The following SLC22A24 variants were observed in gnomAD, a reference collection of about 807,000 sequenced individuals.
The protein encoded by SLC22A24 is steroid transmembrane transporter SLC22A24.
Under a neutral mutation model 49.8 loss-of-function variants are expected in SLC22A24, and 53 were observed. The observed-to-expected ratio is 1.06, with a 90% CI of 0.85 to 1.34. SLC22A24 has a LOEUF of 1.34. SLC22A24 is among the 40% of genes most tolerant of loss of function. The pLI is 0.00. For synonymous variants in SLC22A24, 302 were observed against 256.4 expected, an observed-to-expected ratio of 1.18 and a Z score of -1.70; for missense variants, 786 against 675.9, an observed-to-expected ratio of 1.16 and a Z score of -1.81.
At chr11:63,135,590 C>A (rs556814217) in intron 1 of SLC22A24, among the ~76,000 whole-genome samples, 1 of 152,306 alleles carries the variant, frequency 6.6e-6, no homozygotes, top group East Asian at 1.9e-4. Flanking sequence ...GGAATACATT[C>A]TTAAATAATG....
chr11:63,112,422 G>A (rs1044010284), intron 4 of SLC22A24, among the ~76,000 whole-genome samples: 5 of 152,054 alleles, frequency 3.3e-5, no homozygotes, highest in African/African-American at 9.7e-5. Flanking sequence ...TTTCTGTCTC[G>A]TTGATCTGTC....
intron 6 of SLC22A24, among the ~76,000 whole-genome samples, chr11:63,093,420 T>C (rs960071127): frequency 3.3e-5 from 5 of 152,070 alleles, no homozygotes; most frequent in Non-Finnish European, 5.9e-5. Context: ...CTATTTATAA[T>C]AGTAAAGTCT....
intron 4 of SLC22A24, among the ~76,000 whole-genome samples, chr11:63,111,572 T>A (rs1402348827): frequency 2.0e-5 from 3 of 152,092 alleles, no homozygotes; most frequent in Admixed American, 6.6e-5. Flanking sequence ...CCTGGTTTAG[T>A]CTTGGGAGAG....
At chr11:63,087,109 A>C (rs555646680) in intron 6 of SLC22A24, among the ~76,000 whole-genome samples, 1 of 151,356 alleles carries the variant, frequency 6.6e-6, no homozygotes, top group African/African-American at 2.4e-5. Flanking sequence ...GAAGCAAAGA[A>C]ATAATAAAAA....
rs754877542 is a variant in SLC22A24 at position 63,081,088 on chromosome 11, C to T, written c.1430G>A (p.Arg477Lys). The change falls in exon 9 of 10, where the codon AGG becomes AAG. Residue 477 changes from arginine to lysine, a missense_variant. Transcript: ENST00000612278. The part of the protein sequence containing the change: ...TVAGINAVSG[R>K]TGAALAPLLM... ...CAGAGGAGCCAGTGCTGCCCCAGTCCTACCGGACACTGCATTGATTCCTGC... is the reference window on the plus strand; with the variant it reads ...CAGAGGAGCCAGTGCTGCCCCAGTCTTACCGGACACTGCATTGATTCCTGC... 5.8e-6 allele frequency: 9 copies of T among 1,551,502 alleles called. No individual in the cohort carries two copies. The highest frequency in any genetic ancestry group is 6.1e-6 in the Non-Finnish European group (7 of 1,146,926).
At position 63,101,360 on chromosome 11, in the gene SLC22A24, CA is replaced by C. The variant is rs1297435948; in HGVS notation, c.954+2814del. ...TGTTTATTAAATTAATGCTACTCTT[CA>C]AAAGTTGCATATAATATTACACTAG... On this transcript the variant is annotated intron_variant, in intron 5 of 9. Coordinates refer to ENST00000612278, the MANE Select transcript of SLC22A24 (RefSeq NM_001136506.2). 2.0e-5 allele frequency among the ~76,000 whole-genome samples: 3 copies of C among 151,396 alleles called. No homozygotes were observed. In the East Asian group the frequency reaches 5.8e-4, roughly 29 times the overall value.
At chr11:63,081,807 A>G (rs2086961871) in intron 7 of SLC22A24, 141 bp from the exon 8 acceptor site, 3 of 654,484 alleles carry the variant, frequency 4.6e-6, no homozygotes, top group Admixed American at 2.3e-5. Context: ...AGATTGGGGA[A>G]TGGTTGCGAG....
chr11:63,127,886 C>A (rs1590747622), intron 2 of SLC22A24, among the ~76,000 whole-genome samples: 1 of 151,748 alleles, frequency 6.6e-6, no homozygotes, highest in South Asian at 2.1e-4. Context: ...GATGGATAGA[C>A]TACAAAAATT....
At chr11:63,134,128 T>G (rs1485199575) in intron 2 of SLC22A24, among the ~76,000 whole-genome samples, 2 of 152,178 alleles carry the variant, frequency 1.3e-5, no homozygotes, top group Non-Finnish European at 2.9e-5. Flanking sequence ...AGTGCCACAG[T>G]GCTGCACAAC....
At chr11:63,134,896 G>A (rs2087362861) in intron 1 of SLC22A24, 128 bp from the exon 2 acceptor site, 1 of 578,394 alleles carries the variant, frequency 1.7e-6, no homozygotes, top group Non-Finnish European at 3.1e-6. Flanking sequence ...TCCCTCTCCA[G>A]CTTCATCTGC....
rs537193521 is a variant in SLC22A24 at position 63,143,986 on chromosome 11, C to G, written c.-207G>C. ...TTTCCCCAAGTCCTTTAACTTTAGG[C>G]AGCCAAATAGTTTCAGAAGTCACAG... On this transcript the variant is annotated 5_prime_UTR_variant, in exon 1 of 10. Coordinates refer to ENST00000612278, the MANE Select transcript of SLC22A24 (RefSeq NM_001136506.2). The G allele has an allele frequency of 2.6e-6, 1 of 390,988 alleles. No homozygotes were observed. The highest frequency in any genetic ancestry group is 1.4e-4 in the South Asian group (1 of 6,992). 24.2% of individuals were successfully genotyped at this position (390,988 alleles called of 1,614,324 possible).
rs1416489862 is a variant in SLC22A24, at chr11:63,143,518, A to G, written c.262T>C (p.Cys88Arg). The G allele has an allele frequency of 1.9e-6, 3 of 1,598,464 alleles. No individual in the cohort carries two copies. The highest frequency in any genetic ancestry group is 3.4e-5 in the Admixed American group (2 of 57,988). ...PLDSNLRPQK[C>R]QRFIHPQWQL... ...CACTGGGGATGGATAAAGCGCTGAC[A>G]CTTCTGTGGCCTCAGGTTTGAGTCC... The change falls in exon 1 of 10, where the codon TGT (cysteine) becomes CGT (arginine). Residue 88 changes from cysteine (C) to arginine (R), a missense_variant. By Grantham distance (180) the Cys-to-Arg change is radical. Transcript: ENST00000612278.
chr11:63,125,131 AC>A (rs1368573344), intron 2 of SLC22A24, among the ~76,000 whole-genome samples: 4 of 151,762 alleles, frequency 2.6e-5, no homozygotes, highest in East Asian at 1.9e-4. Context: ...AAACAAAAAA[AC>A]ATTTCATTGA....
rs376936925 is a variant in SLC22A24, at chr11:63,087,024, G to GCGCGCGCACA, written c.1071-3568_1071-3567insTGTGCGCGCG. ...AATTAAGCTTTTCTGCCTGGAGGGC[G>GCGCGCGCACA]CACACACACACACACACACACACAC... is the stretch of plus-strand genomic sequence containing the variant. On this transcript the variant is annotated intron_variant, in intron 6 of 9. Transcript: ENST00000612278. Among the ~76,000 whole-genome samples the GCGCGCGCACA allele has an allele frequency of 8.7e-3, 1,151 of 132,612 alleles. 11 individuals are homozygous for GCGCGCGCACA. Among genetic ancestry groups the GCGCGCGCACA allele is most frequent in the East Asian group, 0.015 (67 of 4,446 alleles). 87.0% of individuals were successfully genotyped at this position (132,612 alleles called of 152,430 possible). A position where few individuals can be genotyped will look rare whatever the true frequency, so the allele number is the denominator to read the frequency against.
chr11:63,120,416 C>T (rs1271362585), intron 2 of SLC22A24, among the ~76,000 whole-genome samples: 1 of 150,850 alleles, frequency 6.6e-6, no homozygotes, highest in East Asian at 2.0e-4. Flanking sequence ...AACTAACCTG[C>T]ACAATGTGCA....
intron 4 of SLC22A24, among the ~76,000 whole-genome samples, chr11:63,112,108 C>A (rs1235830248): frequency 6.6e-6 from 1 of 152,006 alleles, no homozygotes; most frequent in Admixed American, 6.6e-5. Context: ...TCGTTATGTA[C>A]CCAGTAGTCA....
intron 5 of SLC22A24, among the ~76,000 whole-genome samples, chr11:63,097,887 G>T (rs1186050195): frequency 6.6e-6 from 1 of 152,066 alleles, no homozygotes; most frequent in Non-Finnish European, 1.5e-5. Context: ...CATGGACACA[G>T]GGAGGGGAGC....
rs1446345594 is a variant in SLC22A24 at position 63,112,501 on chromosome 11, CTTCT to C, written c.830+6407_830+6410del. On this transcript the variant is annotated intron_variant, in intron 4 of 9. Transcript: ENST00000612278. ...TGGGAGTCTAAGTCTCTTTGTAGGT[CTTCT>C]TTCTTCTTTATTAGTCTTGCTAGCA... Among the ~76,000 whole-genome samples, 11 of 152,086 alleles carry C rather than the reference CTTCT, an allele frequency of 7.2e-5. No individual in the cohort carries two copies. In the South Asian group the frequency reaches 1.5e-3, roughly 20 times the overall value.
intron 2 of SLC22A24, among the ~76,000 whole-genome samples, chr11:63,133,021 T>G (rs56871967): frequency 0.024 from 3,597 of 152,192 alleles, 122 homozygotes; most frequent in African/African-American, 0.08. Flanking sequence ...TCAGCAATGG[T>G]GGATGCCCCT....
Sources: gnomAD v4.1 joint callset for allele counts (sites outside exome capture counted in the v4.1 genomes callset) on GRCh38, gnomAD v4.1.1 for gene constraint, MANE v1.5 for transcripts, NCBI Gene and HGNC (gene_info 2026-07-23, HGNC 2026-07-21) for gene names.